The following PRKD1 variants were observed in gnomAD, a reference collection of about 807,000 sequenced individuals.
PRKD1 encodes protein kinase D1, also known as serine/threonine-protein kinase D1.
In PRKD1, 63 loss-of-function variants were observed where a neutral mutation model predicts 95.9. The ratio of observed to expected loss-of-function variants is 0.66; its 90% CI spans 0.54 to 0.81. The LOEUF (loss-of-function observed/expected upper bound fraction) is 0.81, where lower values mean the gene tolerates loss of function less well. Among genes scored for constraint, PRKD1 ranks in the 30% least tolerant of loss-of-function variants. PRKD1 has a pLI of 0.00. For missense variants in PRKD1, 1,048 were observed against 1,165.3 expected (o/e 0.90, Z 1.47); for synonymous variants, 425 against 423.1 (o/e 1.00, Z -0.05).
At position 29,820,984 on chromosome 14, in the gene PRKD1, T is replaced by A. The variant is rs1241823581; in HGVS notation, c.265-95310A>T. ...GATGATGCAGCTTTCTAGCTTAAAC[T>A]CTGGAAGTCATTAACAGTGATGGAG... On this transcript the variant is annotated intron_variant, in intron 1 of 17. Transcript: ENST00000331968. 2.0e-5 allele frequency among the ~76,000 whole-genome samples: 3 copies of A among 152,280 alleles called. No individual in the cohort carries two copies. In the South Asian group the frequency reaches 6.2e-4, roughly 32 times the overall value.
At chr14:29,614,709 T>G (rs1878726880) in intron 13 of PRKD1, among the ~76,000 whole-genome samples, 1 of 152,032 alleles carries the variant, frequency 6.6e-6, no homozygotes, top group Non-Finnish European at 1.5e-5. Context: ...ACATATATTT[T>G]TTTTTTTGAG....
intron 13 of PRKD1, among the ~76,000 whole-genome samples, chr14:29,607,300 G>A (rs896540329): frequency 5.3e-5 from 8 of 152,204 alleles, no homozygotes; most frequent in South Asian, 2.1e-4. Context: ...GTCAATCCCC[G>A]TCTTTCCCCT....
At position 29,617,188 on chromosome 14, in the gene PRKD1, T is replaced by A. The variant is rs572683788; in HGVS notation, c.1905+6964A>T. ...GTCTTTATGTACCACATGTTCTTTA[T>A]CCAGTCTACCATTTTTCACCATTTA... On this transcript the variant is annotated intron_variant, in intron 13 of 17. Coordinates refer to ENST00000331968, the MANE Select transcript of PRKD1 (RefSeq NM_002742.3). Among the ~76,000 whole-genome samples the A allele has an allele frequency of 4.9e-4, 74 of 152,322 alleles. No homozygotes were observed. The South Asian group carries it at 0.015, about 31-fold the overall frequency.
chr14:29,744,121 T>C (rs1404598708), intron 1 of PRKD1, among the ~76,000 whole-genome samples: 1 of 152,196 alleles, frequency 6.6e-6, no homozygotes, highest in East Asian at 1.9e-4. Flanking sequence ...ACTCTATCAT[T>C]GAGCCTCCCC....
chr14:29,851,778 C>G (rs1566636620), intron 1 of PRKD1, among the ~76,000 whole-genome samples: 1 of 152,132 alleles, frequency 6.6e-6, no homozygotes, highest in African/African-American at 2.4e-5. Context: ...GACACATACA[C>G]TTATATGTTC....
intron 1 of PRKD1, among the ~76,000 whole-genome samples, chr14:29,765,881 T>C (rs1331522838): frequency 6.6e-6 from 1 of 151,826 alleles, no homozygotes; most frequent in East Asian, 1.9e-4. Context: ...AGGAAAGGAG[T>C]TGGGAGAGAT....
intron 13 of PRKD1, among the ~76,000 whole-genome samples, chr14:29,619,687 T>A (rs888634586): frequency 6.6e-6 from 1 of 152,152 alleles, no homozygotes; most frequent in African/African-American, 2.4e-5. Flanking sequence ...CAATTTTAAA[T>A]AGGGTGTTAG....
intron 1 of PRKD1, among the ~76,000 whole-genome samples, chr14:29,743,836 C>T (rs1887092996): frequency 6.6e-6 from 1 of 152,204 alleles, no homozygotes; most frequent in African/African-American, 2.4e-5. Context: ...CAGCATGTGA[C>T]CCAGTGGATC....
At chr14:29,699,921 G>GT (rs1884741531) in intron 2 of PRKD1, among the ~76,000 whole-genome samples, 2 of 152,086 alleles carry the variant, frequency 1.3e-5, no homozygotes, top group Non-Finnish European at 2.9e-5. Flanking sequence ...ATCTGGAAGA[G>GT]TAAGTGCTCC....
chr14:29,681,349 G>A (rs138581270), intron 2 of PRKD1, among the ~76,000 whole-genome samples: 1 of 152,050 alleles, frequency 6.6e-6, no homozygotes, highest in Non-Finnish European at 1.5e-5. Flanking sequence ...ATGAAAATGA[G>A]AATATGTGGT....
At chr14:29,820,952 A>G (rs1890887271) in intron 1 of PRKD1, among the ~76,000 whole-genome samples, 1 of 152,162 alleles carries the variant, frequency 6.6e-6, no homozygotes, top group African/African-American at 2.4e-5. Flanking sequence ...TGGGGGAATG[A>G]GGTTAAGATG....
chr14:29,767,851 AT>A (rs894003166), intron 1 of PRKD1, among the ~76,000 whole-genome samples: 4 of 152,180 alleles, frequency 2.6e-5, no homozygotes, highest in Non-Finnish European at 5.9e-5. Context: ...TAAATGATAG[AT>A]TTTTTAAAAG....
At chr14:29,720,743 G>A (rs986336327) in intron 2 of PRKD1, among the ~76,000 whole-genome samples, 2 of 151,058 alleles carry the variant, frequency 1.3e-5, no homozygotes, top group African/African-American at 4.9e-5. Flanking sequence ...TTGAGCCACT[G>A]CACTCCAGCC....
intron 1 of PRKD1, among the ~76,000 whole-genome samples, chr14:29,743,131 T>C (rs1460568315): frequency 1.3e-5 from 2 of 152,190 alleles, no homozygotes; most frequent in Non-Finnish European, 2.9e-5. Flanking sequence ...TTTCTTTGCC[T>C]TTAAAAAAGG....
chr14:29,796,612 G>T (rs1450565895), intron 1 of PRKD1, among the ~76,000 whole-genome samples: 1 of 152,028 alleles, frequency 6.6e-6, no homozygotes, highest in Non-Finnish European at 1.5e-5. Context: ...AAAATTAAAA[G>T]GTCTGAAAAA....
intron 1 of PRKD1, among the ~76,000 whole-genome samples, chr14:29,764,587 T>C (rs998267041): frequency 2.0e-5 from 3 of 152,170 alleles, no homozygotes; most frequent in East Asian, 3.9e-4. Context: ...TGGTGCCTTG[T>C]AGCTGCATCC....
chr14:29,634,337 C>G, intron 8 of PRKD1, 81 bp downstream of exon 8: 2 of 1,600,268 alleles, frequency 1.2e-6, no homozygotes, highest in East Asian at 4.5e-5. Context: ...ATGCAGAAAT[C>G]TCACAGTCCT....
At chr14:29,649,301 G>GT (rs1179724666) in intron 4 of PRKD1, among the ~76,000 whole-genome samples, 1 of 152,126 alleles carries the variant, frequency 6.6e-6, no homozygotes, top group African/African-American at 2.4e-5. Flanking sequence ...AAATTGGATT[G>GT]TAAGGAGGAG....
At chr14:29,875,385 G>T (rs1893251090) in intron 1 of PRKD1, among the ~76,000 whole-genome samples, 1 of 152,134 alleles carries the variant, frequency 6.6e-6, no homozygotes, top group African/African-American at 2.4e-5. Flanking sequence ...ACTAACAAGT[G>T]ATTCAATATC....
Sources: allele counts gnomAD v4.1 joint callset (sites outside exome capture counted in the v4.1 genomes callset), GRCh38; gene constraint gnomAD v4.1.1; transcripts MANE v1.5; gene names NCBI Gene and HGNC (gene_info 2026-07-23, HGNC 2026-07-21).